The following IL1RAPL1 variants were observed in gnomAD, a reference collection of about 807,000 sequenced individuals.
IL1RAPL1 encodes the protein interleukin 1 receptor accessory protein like 1.
Under a neutral mutation model 48.4 loss-of-function variants are expected in IL1RAPL1, and 3 were observed. The ratio of observed to expected loss-of-function variants is 0.06; its 90% CI spans 0.03 to 0.16. The LOEUF (loss-of-function observed/expected upper bound fraction) is 0.16, where lower values mean the gene tolerates loss of function less well. Ranked by LOEUF, IL1RAPL1 falls within the 10% of genes least tolerant of loss-of-function variation. The pLI is 1.00. For missense variants in IL1RAPL1, 349 were observed against 530.6 expected (o/e 0.66, Z 3.36); for synonymous variants, 185 against 187.7 (o/e 0.99, Z 0.12).
chrX:29,903,101 C>T (rs899116383), intron 6 of IL1RAPL1, among the ~76,000 whole-genome samples: 4 of 109,725 alleles, frequency 3.6e-5, no homozygotes, highest in Non-Finnish European at 7.6e-5. Flanking sequence ...TGCTGTAGGT[C>T]CTAGTACTTA....
At chrX:29,780,676 G>A (rs1929317511) in intron 6 of IL1RAPL1, among the ~76,000 whole-genome samples, 1 of 111,354 alleles carries the variant, frequency 9.0e-6, no homozygotes, top group Admixed American at 9.6e-5. Flanking sequence ...TCTTATAACG[G>A]TTATATTATT....
chrX:29,480,258 T>C (rs939322424), intron 5 of IL1RAPL1, among the ~76,000 whole-genome samples: 2 of 97,696 alleles, frequency 2.0e-5, no homozygotes, highest in African/African-American at 8.1e-5. Context: ...AGTTTATTAA[T>C]TGAAGCATGA....
rs200947298 is a variant in IL1RAPL1, at chrX:29,498,472, A to C, written c.703+99164A>C. Among the ~76,000 whole-genome samples the C allele has an allele frequency of 1.4e-4, 13 of 94,855 alleles. No individual in the cohort carries two copies. The South Asian group carries it at 5.2e-3, about 38-fold the overall frequency. The allele number at this position is 94,855 out of a possible 115,157, so 82.4% of individuals were successfully genotyped here. A position where few individuals can be genotyped will look rare whatever the true frequency, so the allele number is the denominator to read the frequency against. The stretch of plus-strand genomic sequence containing the variant: ...TTAATCTTTATTGATTTTTTTCTTT[A>C]TTTGATTCCTTACGCTTAGTCCTCT... On this transcript the variant is annotated intron_variant, in intron 5 of 10. Coordinates refer to ENST00000378993, the MANE Select transcript of IL1RAPL1 (RefSeq NM_014271.4).
chrX:29,955,634 C>A lies in IL1RAPL1; in HGVS notation c.1905C>A (p.Thr635=), dbSNP rs757587572. The A allele has an allele frequency of 8.3e-7, 1 of 1,210,031 alleles. No homozygotes were observed. The highest frequency in any genetic ancestry group is 2.2e-5 in the Admixed American group (1 of 45,908). ...YRSYEYDVPP[T]GTLPLTSIGN... ...GCTATGAGTACGACGTACCTCCTAC[C>A]GGCACCCTGCCTCTTACCTCCATAG... is the stretch of plus-strand genomic sequence containing the variant. Residue 635 remains threonine, a synonymous_variant, in exon 11 of 11, where the codon ACC becomes ACA. Coordinates refer to ENST00000378993, the MANE Select transcript of IL1RAPL1 (RefSeq NM_014271.4).
intron 6 of IL1RAPL1, among the ~76,000 whole-genome samples, chrX:29,819,763 A>G (rs181758918): frequency 9.3e-6 from 1 of 108,014 alleles, no homozygotes; most frequent in Admixed American, 1.0e-4. Flanking sequence ...GTTGAGATAA[A>G]GATATATCTG....
At chrX:29,586,334 C>T (rs1206116915) in intron 5 of IL1RAPL1, among the ~76,000 whole-genome samples, 1 of 111,299 alleles carries the variant, frequency 9.0e-6, no homozygotes, top group Non-Finnish European at 1.9e-5. Flanking sequence ...TTCGGTACTC[C>T]TGTCAAAGAT....
chrX:29,596,714 C>T (rs1159856729), intron 5 of IL1RAPL1, among the ~76,000 whole-genome samples: 1 of 111,777 alleles, frequency 8.9e-6, no homozygotes, highest in Non-Finnish European at 1.9e-5. Context: ...GATTGGGATG[C>T]CCTTTATTTC....
chrX:29,302,822 G>A (rs188876672), intron 3 of IL1RAPL1, among the ~76,000 whole-genome samples: 1 of 111,647 alleles, frequency 9.0e-6, no homozygotes, highest in Non-Finnish European at 1.9e-5. Flanking sequence ...GAAACAAACC[G>A]CAAGGAAACA....
intron 2 of IL1RAPL1, among the ~76,000 whole-genome samples, chrX:28,794,032 A>C (rs1374909576): frequency 9.0e-6 from 1 of 111,427 alleles, no homozygotes; most frequent in Non-Finnish European, 1.9e-5. Context: ...TGAGGATGCT[A>C]CAGGACCAAA....
chrX:29,852,283 C>T (rs1361305122), intron 6 of IL1RAPL1, among the ~76,000 whole-genome samples: 1 of 111,860 alleles, frequency 8.9e-6, no homozygotes, highest in Non-Finnish European at 1.9e-5. Context: ...ATTGAAGAAA[C>T]TAAATTGCAG....
In IL1RAPL1 at chrX:29,328,317, G is replaced by C. The variant is rs373634138; in HGVS notation, c.362+45100G>C. Among the ~76,000 whole-genome samples, 50 of 111,711 alleles carry C rather than the reference G, an allele frequency of 4.5e-4. 1 individual carries two copies. The highest frequency in any genetic ancestry group is 1.6e-3 in the African/African-American group (49 of 30,797). On this transcript the variant is annotated intron_variant, in intron 3 of 10. Coordinates refer to ENST00000378993, the MANE Select transcript of IL1RAPL1 (RefSeq NM_014271.4). ...TGAAATAAAGTTAGAACAATGGAAA[G>C]AGTGGTAAATAAAAGGATCAAGGCC...
intron 6 of IL1RAPL1, among the ~76,000 whole-genome samples, chrX:29,818,418 C>T (rs1930541376): frequency 9.0e-6 from 1 of 111,134 alleles, no homozygotes; most frequent in Non-Finnish European, 1.9e-5. Flanking sequence ...ACACCCCTTT[C>T]ATCCCTCTTC....
chrX:29,205,124 A>G (rs1930636664), intron 2 of IL1RAPL1, among the ~76,000 whole-genome samples: 1 of 111,393 alleles, frequency 9.0e-6, no homozygotes, highest in African/African-American at 3.3e-5. Context: ...AATTGTTTGT[A>G]CTGAAAATTG....
At chrX:28,848,948 T>C (rs1034842599) in intron 2 of IL1RAPL1, among the ~76,000 whole-genome samples, 12 of 111,845 alleles carry the variant, frequency 1.1e-4, no homozygotes, top group Non-Finnish European at 5.6e-5. Flanking sequence ...CTAGGTGTTA[T>C]ATGTGCTTTC....
At chrX:29,761,057 G>C (rs1472672791) in intron 6 of IL1RAPL1, among the ~76,000 whole-genome samples, 1 of 111,781 alleles carries the variant, frequency 8.9e-6, no homozygotes, top group Non-Finnish European at 1.9e-5. Flanking sequence ...CTTTGCACAA[G>C]AAAACACTGA....
At chrX:29,875,675 A>G (rs755384366) in intron 6 of IL1RAPL1, among the ~76,000 whole-genome samples, 3 of 112,170 alleles carry the variant, frequency 2.7e-5, no homozygotes, top group East Asian at 5.6e-4. Flanking sequence ...CGAAAATCCT[A>G]TATTTCCATC....
intron 3 of IL1RAPL1, among the ~76,000 whole-genome samples, chrX:29,376,981 A>G (rs1205659904): frequency 9.0e-6 from 1 of 111,601 alleles, no homozygotes; most frequent in East Asian, 2.8e-4. Context: ...ATTGTTGTGT[A>G]GCTGTCTCAG....
At chrX:28,967,204 A>G (rs976044874) in intron 2 of IL1RAPL1, among the ~76,000 whole-genome samples, 1 of 111,614 alleles carries the variant, frequency 9.0e-6, no homozygotes, top group African/African-American at 3.3e-5. Flanking sequence ...CCCTTTGCAA[A>G]GATCACTTGG....
chrX:28,754,639 A>T lies in IL1RAPL1; in HGVS notation c.-24-34681A>T, dbSNP rs200832713. ...TTTTATTATAATTCTGATAGCAAGC[A>T]TCTAAATATACAATCTCAAATTCTA... On this transcript the variant is annotated intron_variant, in intron 1 of 10. Transcript: ENST00000378993. Among the ~76,000 whole-genome samples the T allele has an allele frequency of 3.6e-5, 4 of 112,333 alleles. No homozygotes were observed. In the East Asian group the frequency reaches 1.1e-3, roughly 32 times the overall value.
Sources: gnomAD v4.1 joint callset for allele counts (sites outside exome capture counted in the v4.1 genomes callset) on GRCh38, gnomAD v4.1.1 for gene constraint, MANE v1.5 for transcripts, NCBI Gene and HGNC (gene_info 2026-07-23, HGNC 2026-07-21) for gene names.